The following SPIRE1 variants were observed in gnomAD, a reference collection of about 807,000 sequenced individuals.
SPIRE1 encodes the protein spire type actin nucleation factor 1.
SPIRE1 carries 40 observed loss-of-function variants against 94.1 expected under a neutral mutation model. That is an observed-to-expected ratio of 0.43 (90% confidence interval 0.33 to 0.55). The LOEUF (loss-of-function observed/expected upper bound fraction) is 0.55. SPIRE1 is among the 20% of genes least tolerant of loss of function. The pLI is 0.06. For missense variants in SPIRE1, 838 were observed against 975.2 expected, an observed-to-expected ratio of 0.86 and a Z score of 1.87; for synonymous variants, 376 against 371.7, an observed-to-expected ratio of 1.01 and a Z score of -0.13.
At chr18:12,485,447 C>G (rs1255546806) in intron 9 of SPIRE1, among the ~76,000 whole-genome samples, 1 of 152,210 alleles carries the variant, frequency 6.6e-6, no homozygotes, top group Non-Finnish European at 1.5e-5. Flanking sequence ...TCATTCATGA[C>G]TAGGCTCTAT....
At chr18:12,605,472 C>T (rs895978849) in intron 2 of SPIRE1, among the ~76,000 whole-genome samples, 10 of 152,128 alleles carry the variant, frequency 6.6e-5, no homozygotes, top group Non-Finnish European at 1.3e-4. Flanking sequence ...CGCCACTGCC[C>T]TCCAGCCTGG....
At chr18:12,497,991 T>G (rs1158574140) in intron 6 of SPIRE1, among the ~76,000 whole-genome samples, 3 of 152,206 alleles carry the variant, frequency 2.0e-5, no homozygotes, top group Non-Finnish European at 4.4e-5. Context: ...ACAATGCTCC[T>G]GAGGGAGGCA....
At chr18:12,472,363 T>C (rs1785333) in intron 10 of SPIRE1, among the ~76,000 whole-genome samples, 55,807 of 149,098 alleles carry the variant, frequency 0.37, 13,248 homozygotes, top group African/African-American at 0.67. Context: ...CACCATGCCC[T>C]GTGCTTTTTT....
In SPIRE1 at chr18:12,451,455, G is replaced by C. The variant is rs187503871; in HGVS notation, c.2012+800C>G. On this transcript the variant is annotated intron_variant, in intron 16 of 16. Transcript: ENST00000409402. ...AACTAAACCAAACAGGATATAAATG[G>C]GTAGTCTATAGTATGTTCAGAGTTA... is the stretch of plus-strand genomic sequence containing the variant. Among the ~76,000 whole-genome samples the C allele has an allele frequency of 3.7e-3, 567 of 152,256 alleles. 5 individuals carry two copies. The highest frequency in any genetic ancestry group is 5.2e-3 in the Non-Finnish European group (355 of 68,014).
At chr18:12,549,486 T>A (rs2035281644) in intron 2 of SPIRE1, among the ~76,000 whole-genome samples, 1 of 133,382 alleles carries the variant, frequency 7.5e-6, no homozygotes. Flanking sequence ...AGAGTCTTGC[T>A]CTGTCACCAG....
intron 2 of SPIRE1, among the ~76,000 whole-genome samples, chr18:12,598,136 TAATA>T (rs1160024891): frequency 3.9e-5 from 6 of 152,248 alleles, no homozygotes; most frequent in Non-Finnish European, 4.4e-5. Context: ...TTCTTATGTC[TAATA>T]TTTGACATAA....
chr18:12,654,068 G>A (rs1351769759), intron 1 of SPIRE1, among the ~76,000 whole-genome samples: 1 of 152,114 alleles, frequency 6.6e-6, no homozygotes, highest in Non-Finnish European at 1.5e-5. Context: ...CAGGCACCGT[G>A]GCTCACTTCT....
intron 2 of SPIRE1, among the ~76,000 whole-genome samples, chr18:12,613,443 C>T (rs9948421): frequency 0.56 from 85,088 of 152,012 alleles, 24,987 homozygotes; most frequent in Middle Eastern, 0.76. Context: ...CATCTCATTT[C>T]TTAAATAGTT....
At chr18:12,518,764 T>C (rs1012135221) in intron 4 of SPIRE1, among the ~76,000 whole-genome samples, 1 of 152,108 alleles carries the variant, frequency 6.6e-6, no homozygotes, top group Non-Finnish European at 1.5e-5. Flanking sequence ...TTAAATACAT[T>C]TCATGACTGA....
intron 2 of SPIRE1, among the ~76,000 whole-genome samples, chr18:12,583,222 C>T (rs1598495223): frequency 6.6e-6 from 1 of 152,156 alleles, no homozygotes; most frequent in Non-Finnish European, 1.5e-5. Flanking sequence ...TGTAATCCCA[C>T]CACTTTTGAG....
chr18:12,456,986 C>T (rs1297010733), intron 12 of SPIRE1, among the ~76,000 whole-genome samples: 1 of 152,118 alleles, frequency 6.6e-6, no homozygotes, highest in Non-Finnish European at 1.5e-5. Flanking sequence ...TACAGGTGTG[C>T]ACCACCACAC....
At chr18:12,592,593 C>G (rs1328020269) in intron 2 of SPIRE1, among the ~76,000 whole-genome samples, 1 of 152,226 alleles carries the variant, frequency 6.6e-6, no homozygotes, top group Non-Finnish European at 1.5e-5. Context: ...TCCCTGTTCT[C>G]TGTGTCACTA....
chr18:12,532,713 C>T (rs1203715447), intron 4 of SPIRE1, among the ~76,000 whole-genome samples: 3 of 152,182 alleles, frequency 2.0e-5, no homozygotes, highest in African/African-American at 7.2e-5. Flanking sequence ...CATTTACATA[C>T]ATAAACTAAC....
chr18:12,537,621 A>T (rs1433927683), intron 3 of SPIRE1, among the ~76,000 whole-genome samples: 1 of 152,220 alleles, frequency 6.6e-6, no homozygotes, highest in Middle Eastern at 3.2e-3. Flanking sequence ...ACACATAAAA[A>T]ATCTAAAGGA....
chr18:12,454,191 C>G (rs531502781), intron 13 of SPIRE1, among the ~76,000 whole-genome samples, 155 bp downstream of exon 13: 2 of 152,290 alleles, frequency 1.3e-5, no homozygotes, highest in South Asian at 4.1e-4. Context: ...GTGAACGAGA[C>G]AGCACATGTA....
intron 10 of SPIRE1, among the ~76,000 whole-genome samples, chr18:12,469,604 TTATTTA>T (rs931476077): frequency 8.3e-5 from 12 of 145,024 alleles, no homozygotes; most frequent in Non-Finnish European, 1.8e-4. Context: ...ATTTATATAT[TTATTTA>T]TATTTATATA....
Position 12,449,194 on chromosome 18 carries a change from T to G in SPIRE1, c.*444A>C. On this transcript the variant is annotated 3_prime_UTR_variant, in exon 17 of 17. Coordinates refer to ENST00000409402, the MANE Select transcript of SPIRE1 (RefSeq NM_001128626.2). ...CGTGGAGTGTAGGGCTCTGGATCTC[T>G]CTGTACACGGGATAGAAACACAGTC... 1.8e-5 allele frequency: 3 copies of G among 164,222 alleles called. No homozygotes were observed. The highest frequency in any genetic ancestry group is 1.7e-4 in the South Asian group (1 of 5,830). 10.2% of individuals were successfully genotyped at this position (164,222 alleles called of 1,614,324 possible). A position where few individuals can be genotyped will look rare whatever the true frequency, so the allele number is the denominator to read the frequency against.
chr18:12,599,840 T>A (rs1239461604), intron 2 of SPIRE1, among the ~76,000 whole-genome samples: 1 of 152,166 alleles, frequency 6.6e-6, no homozygotes, highest in Non-Finnish European at 1.5e-5. Flanking sequence ...CCTCCTGCTG[T>A]TCATGCCCTG....
rs13381625 is a variant in SPIRE1 at position 12,634,976 on chromosome 18, C to T, written c.372+86G>A. 2.6e-3 allele frequency: 1,864 copies of T among 705,656 alleles called. 21 individuals are homozygous for T. The African/African-American group carries it at 0.03, about 11-fold the overall frequency. 43.7% of individuals were successfully genotyped at this position (705,656 alleles called of 1,614,324 possible). A position where few individuals can be genotyped will look rare whatever the true frequency, so the allele number is the denominator to read the frequency against. On this transcript the variant is annotated intron_variant, in intron 2 of 16. Coordinates refer to ENST00000409402, the MANE Select transcript of SPIRE1 (RefSeq NM_001128626.2). ...GAAATCTTATCAGAAGACCAAGAAC[C>T]TATAGTGAGATAGTTCAGTACTCAA...
Sources: gnomAD v4.1 joint callset for allele counts (sites outside exome capture counted in the v4.1 genomes callset) on GRCh38, gnomAD v4.1.1 for gene constraint, MANE v1.5 for transcripts, NCBI Gene and HGNC (gene_info 2026-07-23, HGNC 2026-07-21) for gene names.